Variants in ADGRB3 observed in about 807,000 individuals in gnomAD.
ADGRB3 encodes adhesion G protein-coupled receptor B3, also known as brain-specific angiogenesis inhibitor 3.
A neutral mutation model predicts 193.4 loss-of-function variants in ADGRB3; 37 were observed. The observed-to-expected ratio is 0.19, with a 90% CI of 0.15 to 0.25. The LOEUF (loss-of-function observed/expected upper bound fraction) is 0.25, where lower values mean the gene tolerates loss of function less well. Among genes scored for constraint, ADGRB3 ranks in the 10% least tolerant of loss-of-function variants. ADGRB3 has a pLI of 1.00. For synonymous variants in ADGRB3, 690 were observed against 644.2 expected (o/e 1.07, Z -1.08); for missense variants, 1,637 against 1,852.9 (o/e 0.88, Z 2.14).
At chr6:68,741,017 A>G (rs1046351705) in intron 3 of ADGRB3, among the ~76,000 whole-genome samples, 8 of 152,182 alleles carry the variant, frequency 5.3e-5, no homozygotes, top group African/African-American at 1.9e-4. Flanking sequence ...GCAGAAGAAT[A>G]CAGAATGAGC....
At position 68,809,086 on chromosome 6, in the gene ADGRB3, T is replaced by G. The variant is rs550210104; in HGVS notation, c.758-121473T>G. Among the ~76,000 whole-genome samples, 7 of 152,278 alleles carry G rather than the reference T, an allele frequency of 4.6e-5. No individual in the cohort carries two copies. The East Asian group carries it at 1.4e-3, about 29-fold the overall frequency. ...TAATTGTGCTGGTTTAAAAAAAATT[T>G]TTTTGCATTATGGATTGTCATTAAA... On this transcript the variant is annotated intron_variant, in intron 3 of 31. Coordinates refer to ENST00000370598, the MANE Select transcript of ADGRB3 (RefSeq NM_001704.3).
chr6:68,790,258 T>TG (rs201526551), intron 3 of ADGRB3, among the ~76,000 whole-genome samples: 1 of 152,040 alleles, frequency 6.6e-6, no homozygotes, highest in Non-Finnish European at 1.5e-5. Context: ...GCAGGGAGGC[T>TG]GGGGGAGGGG....
At chr6:68,800,476 C>G (rs945473491) in intron 3 of ADGRB3, among the ~76,000 whole-genome samples, 7 of 151,988 alleles carry the variant, frequency 4.6e-5, no homozygotes, top group Non-Finnish European at 8.8e-5. Context: ...ATGAGATCTC[C>G]TAGACTAGAG....
In ADGRB3 at chr6:68,868,119, T is replaced by A. The variant is rs189126516; in HGVS notation, c.758-62440T>A. Among the ~76,000 whole-genome samples the A allele has an allele frequency of 2.2e-3, 335 of 152,242 alleles. 1 individual carries two copies. The highest frequency in any genetic ancestry group is 3.9e-3 in the Non-Finnish European group (266 of 68,016). On this transcript the variant is annotated intron_variant, in intron 3 of 31. Transcript: ENST00000370598. ...TAAAATGATATGATTTGGCTCTGTG[T>A]CCCCACCCAAATCTCATGTTTAATT...
At chr6:69,129,759 A>T (rs1773953870) in intron 17 of ADGRB3, among the ~76,000 whole-genome samples, 1 of 152,172 alleles carries the variant, frequency 6.6e-6, no homozygotes, top group African/African-American at 2.4e-5. Context: ...AATTTCACTG[A>T]ACTACAGCTG....
chr6:69,059,178 C>A (rs635863), intron 15 of ADGRB3, among the ~76,000 whole-genome samples: 74,994 of 151,886 alleles, frequency 0.49, 20,609 homozygotes, highest in East Asian at 0.96. Flanking sequence ...TATACCTCCC[C>A]AGAGAATCAA....
chr6:68,825,264 A>AT (rs1562045472), intron 3 of ADGRB3, among the ~76,000 whole-genome samples: 1 of 151,680 alleles, frequency 6.6e-6, no homozygotes, highest in Admixed American at 6.6e-5. Flanking sequence ...GTGTCTGCAT[A>AT]TTTTTGCACA....
chr6:69,134,719 G>A (rs1245790067), intron 17 of ADGRB3, among the ~76,000 whole-genome samples: 1 of 151,824 alleles, frequency 6.6e-6, no homozygotes, highest in Non-Finnish European at 1.5e-5. Context: ...AACCTTAGGT[G>A]TGTGTATGTA....
intron 4 of ADGRB3, among the ~76,000 whole-genome samples, chr6:68,932,075 G>GCCACT (rs1233554102): frequency 6.6e-6 from 1 of 152,110 alleles, no homozygotes; most frequent in Non-Finnish European, 1.5e-5. Flanking sequence ...CAACCACTGA[G>GCCACT]CAGAGATTAG....
chr6:68,907,543 T>A (rs934834971), intron 3 of ADGRB3, among the ~76,000 whole-genome samples: 3 of 151,894 alleles, frequency 2.0e-5, no homozygotes, highest in African/African-American at 7.2e-5. Context: ...TTTTTTCTAA[T>A]TTTTTTAGGG....
chr6:68,655,238 A>C (rs1030695303), intron 3 of ADGRB3, among the ~76,000 whole-genome samples: 1 of 151,552 alleles, frequency 6.6e-6, no homozygotes, highest in Non-Finnish European at 1.5e-5. Flanking sequence ...TCCAGTCCCA[A>C]TTTCCAGCTC....
intron 3 of ADGRB3, among the ~76,000 whole-genome samples, chr6:68,796,370 C>T (rs138720573): frequency 6.6e-6 from 1 of 152,064 alleles, no homozygotes; most frequent in Non-Finnish European, 1.5e-5. Context: ...TGTCTAAACC[C>T]TCTTCTACCT....
intron 3 of ADGRB3, among the ~76,000 whole-genome samples, chr6:68,772,889 AAAAAAATAT>A (rs1332979845): frequency 4.2e-3 from 181 of 43,530 alleles, no homozygotes; most frequent in East Asian, 0.036. Context: ...AAACAAAAAA[AAAAAAATAT>A]ATATATATAT....
At chr6:68,779,915 C>CT (rs942714362) in intron 3 of ADGRB3, among the ~76,000 whole-genome samples, 8 of 152,036 alleles carry the variant, frequency 5.3e-5, no homozygotes, top group East Asian at 1.9e-4. Context: ...AGAAGAAACA[C>CT]TTTTTTTATC....
chr6:69,145,975 A>AT (rs1774480688), intron 17 of ADGRB3, among the ~76,000 whole-genome samples: 1 of 152,132 alleles, frequency 6.6e-6, no homozygotes, highest in Non-Finnish European at 1.5e-5. Flanking sequence ...GAAAAGCACT[A>AT]TAAGTTCCCA....
intron 3 of ADGRB3, among the ~76,000 whole-genome samples, chr6:68,914,433 C>T (rs1766818343): frequency 2.0e-5 from 3 of 151,954 alleles, no homozygotes; most frequent in South Asian, 2.1e-4. Flanking sequence ...ATTTCATATC[C>T]AGCCAAACTA....
intron 3 of ADGRB3, among the ~76,000 whole-genome samples, chr6:68,640,323 G>A (rs962249329): frequency 4.6e-5 from 7 of 152,182 alleles, no homozygotes; most frequent in African/African-American, 1.2e-4. Context: ...AGAAAGTACA[G>A]GAATGATTTA....
intron 17 of ADGRB3, among the ~76,000 whole-genome samples, chr6:69,197,397 C>CAAA (rs1765324362): frequency 6.8e-6 from 1 of 147,246 alleles, no homozygotes; most frequent in African/African-American, 2.6e-5. Flanking sequence ...GCAAAGTGTG[C>CAAA]TTCATGATTA....
Position 68,772,890 on chromosome 6 carries a change from A to AAC in ADGRB3, c.757+133459_757+133460insCA, listed in dbSNP as rs1456276508. 2.8e-4 allele frequency among the ~76,000 whole-genome samples: 13 copies of AAC among 46,102 alleles called. 1 individual carries two copies. The highest frequency in any genetic ancestry group is 1.5e-3 in the South Asian group (2 of 1,324). The allele number at this position is 46,102 out of a possible 152,430, so 30.2% of individuals were successfully genotyped here. A position where few individuals can be genotyped will look rare whatever the true frequency, so the allele number is the denominator to read the frequency against. On this transcript the variant is annotated intron_variant, in intron 3 of 31. Transcript: ENST00000370598. ...ACAAACAAACAAACAAACAAAAAAAAAAAAATATATATATATATATATATA... is the reference window on the plus strand; with the variant it reads ...ACAAACAAACAAACAAACAAAAAAAAACAAAAATATATATATATATATATATA...
Sources: gnomAD v4.1 joint callset for allele counts (sites outside exome capture counted in the v4.1 genomes callset) on GRCh38, gnomAD v4.1.1 for gene constraint, MANE v1.5 for transcripts, NCBI Gene and HGNC (gene_info 2026-07-23, HGNC 2026-07-21) for gene names.